Variants in FRYL observed in about 807,000 individuals in gnomAD.
FRYL encodes the protein protein furry homolog-like.
In FRYL, 150 loss-of-function variants were observed where a neutral mutation model predicts 351.2. The ratio of observed to expected loss-of-function variants is 0.43; its 90% CI spans 0.37 to 0.49. The LOEUF (loss-of-function observed/expected upper bound fraction) is 0.49. Among genes scored for constraint, FRYL ranks in the 20% least tolerant of loss-of-function variants. The probability of loss-of-function intolerance (pLI) is 0.00; values close to 1 mark genes in which losing one functional copy is unlikely to be tolerated. For missense variants in FRYL, 3,036 were observed against 3,619.3 expected (o/e 0.84, Z 4.13); for synonymous variants, 1,153 against 1,257.1 (o/e 0.92, Z 1.75).
chr4:48,732,965 G>A (rs558979889), intron 1 of FRYL, among the ~76,000 whole-genome samples: 4 of 151,596 alleles, frequency 2.6e-5, no homozygotes, highest in South Asian at 2.1e-4. Flanking sequence ...AGAAGAAAGT[G>A]GAATGAAATA....
chr4:48,590,981 T>A, intron 16 of FRYL, 151 bp from the exon 17 acceptor site: 1 of 609,652 alleles, frequency 1.6e-6, no homozygotes, highest in Non-Finnish European at 2.8e-6. Flanking sequence ...CATTTTTAAC[T>A]AGCACAGGCA....
At chr4:48,501,533 TTTGAC>T in intron 62 of FRYL, 85 bp downstream of exon 62, 1 of 764,656 alleles carries the variant, frequency 1.3e-6, no homozygotes, top group South Asian at 1.5e-5. Context: ...CTAAGTGACT[TTTGAC>T]TTAAGCTATT....
At chr4:48,738,929 G>T (rs898932291) in intron 1 of FRYL, among the ~76,000 whole-genome samples, 1 of 152,126 alleles carries the variant, frequency 6.6e-6, no homozygotes, top group African/African-American at 2.4e-5. Flanking sequence ...CAAAGTTTAT[G>T]TGGAAAGACA....
chr4:48,616,569 C>T (rs1749486676), intron 7 of FRYL, among the ~76,000 whole-genome samples: 1 of 152,092 alleles, frequency 6.6e-6, no homozygotes, highest in South Asian at 2.1e-4. Context: ...CTTGCCATGG[C>T]CATCTCCCAG....
At chr4:48,520,203 T>C (rs1724603410) in intron 55 of FRYL, among the ~76,000 whole-genome samples, 1 of 152,194 alleles carries the variant, frequency 6.6e-6, no homozygotes, top group Admixed American at 6.5e-5. Flanking sequence ...ACCTTAGCCA[T>C]ATGAGTATGA....
At chr4:48,666,383 G>GTAAATAAATAAA (rs140443013) in intron 3 of FRYL, among the ~76,000 whole-genome samples, 26 of 150,128 alleles carry the variant, frequency 1.7e-4, no homozygotes, top group African/African-American at 5.4e-4. Flanking sequence ...TAAATAAAAA[G>GTAAATAAATAAA]TAAATAAATA....
chr4:48,565,247 G>A (rs1233135796), intron 29 of FRYL, among the ~76,000 whole-genome samples: 1 of 149,670 alleles, frequency 6.7e-6, no homozygotes, highest in Non-Finnish European at 1.5e-5. Context: ...TACTGGAAGG[G>A]AAGATAAAAA....
intron 44 of FRYL, among the ~76,000 whole-genome samples, chr4:48,542,504 C>T (rs1314103297): frequency 6.6e-6 from 1 of 152,214 alleles, no homozygotes; most frequent in Non-Finnish European, 1.5e-5. Context: ...GCAACCTCTG[C>T]CTCCCGGATT....
Position 48,727,777 on chromosome 4 carries a change from G to A in FRYL, c.-383-17079C>T, listed in dbSNP as rs186425642. ...GCTAACTACCCCTAACTAACTTGGGGGTAGGTTAATACCTAATCCCAGTCA... is the reference window on the plus strand; with the variant it reads ...GCTAACTACCCCTAACTAACTTGGGAGTAGGTTAATACCTAATCCCAGTCA... On this transcript the variant is annotated intron_variant, in intron 1 of 63. Transcript: ENST00000358350. Among the ~76,000 whole-genome samples, 27 of 152,250 alleles carry A rather than the reference G, an allele frequency of 1.8e-4. No individual in the cohort carries two copies. The East Asian group carries it at 5.0e-3, about 28-fold the overall frequency.
At chr4:48,564,210 T>C (rs1442534248) in intron 30 of FRYL, 108 bp from the exon 31 acceptor site, 5 of 1,190,110 alleles carry the variant, frequency 4.2e-6, no homozygotes, top group Admixed American at 5.6e-5. Context: ...TTGTAATTAA[T>C]AGAAAAATTC....
intron 30 of FRYL, among the ~76,000 whole-genome samples, chr4:48,564,325 T>C (rs1037271244): frequency 1.1e-4 from 16 of 152,264 alleles, no homozygotes; most frequent in Non-Finnish European, 1.8e-4. Flanking sequence ...CTCTCTAGTA[T>C]GATTTTGTCT....
chr4:48,640,915 A>G (rs1360547059), intron 3 of FRYL, among the ~76,000 whole-genome samples: 1 of 152,214 alleles, frequency 6.6e-6, no homozygotes, highest in Non-Finnish European at 1.5e-5. Context: ...CTGGAGCTTA[A>G]AACAATAACA....
At chr4:48,770,822 A>G (rs1248489230) in intron 1 of FRYL, among the ~76,000 whole-genome samples, 1 of 152,208 alleles carries the variant, frequency 6.6e-6, no homozygotes, top group African/African-American at 2.4e-5. Flanking sequence ...TCAATTTTTT[A>G]TACTGCTGAA....
intron 1 of FRYL, among the ~76,000 whole-genome samples, chr4:48,717,288 A>G (rs540670245): frequency 1.3e-5 from 2 of 151,378 alleles, no homozygotes; most frequent in Non-Finnish European, 2.9e-5. Flanking sequence ...AAAAAAACAA[A>G]AAAACATTAT....
intron 3 of FRYL, among the ~76,000 whole-genome samples, chr4:48,670,469 T>C (rs1249942969): frequency 6.7e-6 from 1 of 150,008 alleles, no homozygotes. Flanking sequence ...TATATGTATA[T>C]ATATATAATT....
At chr4:48,573,101 T>C (rs548920229) in intron 26 of FRYL, 85 bp downstream of exon 26, 92 of 997,226 alleles carry the variant, frequency 9.2e-5, no homozygotes, top group East Asian at 1.5e-4. Flanking sequence ...TAGATAGTCT[T>C]CGTAATTTCT....
rs1296571184 is a variant in FRYL, at chr4:48,613,957, A to AG, written c.412-4135_412-4134insC. 4.5e-3 allele frequency among the ~76,000 whole-genome samples: 671 copies of AG among 150,654 alleles called. 4 individuals are homozygous for AG. Among genetic ancestry groups the AG allele is most frequent in the African/African-American group, 0.015 (635 of 41,264 alleles). On this transcript the variant is annotated intron_variant, in intron 7 of 63. Transcript: ENST00000358350. Reference sequence around the variant, plus strand: ...GGTGACAGAGAGTGACTCCAACCAAAAAAAAAAAAAAAAGGCATTTGAATA... The same window carrying AG: ...GGTGACAGAGAGTGACTCCAACCAAAGAAAAAAAAAAAAAGGCATTTGAATA...
At chr4:48,512,238 C>T (rs1055561977) in intron 57 of FRYL, among the ~76,000 whole-genome samples, 105 of 152,226 alleles carry the variant, frequency 6.9e-4, no homozygotes, top group African/African-American at 2.4e-3. Flanking sequence ...GAAAACATAT[C>T]AGACGTTGTT....
rs1288636547 is a variant in FRYL at position 48,623,087 on chromosome 4, T to C, written c.174+39A>G. On this transcript the variant is annotated intron_variant, in intron 5 of 63. Transcript: ENST00000358350. ...GGCCAGACTATTAGGATGAACACTATTTCCAGGGGAAAAAAAAATTCTCCC... is the reference window on the plus strand; with the variant it reads ...GGCCAGACTATTAGGATGAACACTACTTCCAGGGGAAAAAAAAATTCTCCC... The C allele has an allele frequency of 9.4e-6, 13 of 1,382,434 alleles. No individual in the cohort carries two copies. The Admixed American group carries it at 1.4e-4, about 15-fold the overall frequency. The allele number at this position is 1,382,434 out of a possible 1,614,324, so 85.6% of individuals were successfully genotyped here. A position where few individuals can be genotyped will look rare whatever the true frequency, so the allele number is the denominator to read the frequency against.
Sources: gnomAD v4.1 joint callset for allele counts (sites outside exome capture counted in the v4.1 genomes callset) on GRCh38, gnomAD v4.1.1 for gene constraint, MANE v1.5 for transcripts, NCBI Gene and HGNC (gene_info 2026-07-23, HGNC 2026-07-21) for gene names.